Variants in TMPRSS15 observed in about 807,000 individuals in gnomAD.
TMPRSS15 encodes transmembrane serine protease 15.
Under a neutral mutation model 125.3 loss-of-function variants are expected in TMPRSS15, and 128 were observed. The observed-to-expected ratio is 1.02, with a 90% confidence interval of 0.89 to 1.18. TMPRSS15 has a LOEUF of 1.18. Among genes scored for constraint, TMPRSS15 ranks in the 50% most tolerant of loss-of-function variants. The pLI is 0.00. For synonymous variants in TMPRSS15, 446 were observed against 423.2 expected (o/e 1.05, Z -0.66); for missense variants, 1,283 against 1,212.7 (o/e 1.06, Z -0.86).
intron 7 of TMPRSS15, among the ~76,000 whole-genome samples, chr21:18,363,824 C>T (rs573659047): frequency 2.0e-5 from 3 of 152,136 alleles, no homozygotes; most frequent in African/African-American, 7.2e-5. Flanking sequence ...TTTCAATTGG[C>T]AAGAATTACT....
chr21:18,391,758 T>C (rs142694707), intron 3 of TMPRSS15, among the ~76,000 whole-genome samples: 32 of 152,358 alleles, frequency 2.1e-4, no homozygotes, highest in Admixed American at 6.5e-4. Context: ...ATTTTCCTTC[T>C]GCACTGCTCT....
chr21:18,320,338 T>G (rs1239685187), intron 16 of TMPRSS15, among the ~76,000 whole-genome samples: 4 of 152,136 alleles, frequency 2.6e-5, no homozygotes, highest in Non-Finnish European at 4.4e-5. Context: ...GTCACCACCC[T>G]TTATTTTTAA....
intron 1 of TMPRSS15, among the ~76,000 whole-genome samples, chr21:18,435,916 C>T (rs565804439): frequency 2.6e-5 from 4 of 151,678 alleles, no homozygotes; most frequent in Non-Finnish European, 4.4e-5. Flanking sequence ...AGTTTATTTG[C>T]GTAGAGGTGT....
At chr21:18,280,184 A>G (rs576543152) in intron 22 of TMPRSS15, among the ~76,000 whole-genome samples, 40 of 152,202 alleles carry the variant, frequency 2.6e-4, no homozygotes, top group Non-Finnish European at 4.4e-4. Context: ...TCATGATAAA[A>G]TTCACTTTAT....
At chr21:18,335,758 G>C (rs928712814) in intron 13 of TMPRSS15, among the ~76,000 whole-genome samples, 1 of 152,106 alleles carries the variant, frequency 6.6e-6, no homozygotes, top group Non-Finnish European at 1.5e-5. Flanking sequence ...TATTTTAATG[G>C]TGATGTTGTT....
chr21:18,406,826 T>C (rs913808990), upstream of TMPRSS15, among the ~76,000 whole-genome samples: 2 of 152,110 alleles, frequency 1.3e-5, no homozygotes, highest in Non-Finnish European at 2.9e-5. Flanking sequence ...GAGATAACAT[T>C]CATTATAATA....
intron 1 of TMPRSS15, among the ~76,000 whole-genome samples, chr21:18,445,163 TAC>T (rs2076252357): frequency 6.6e-6 from 1 of 151,734 alleles, no homozygotes; most frequent in Admixed American, 6.6e-5. Flanking sequence ...TATATATATA[TAC>T]CCCATTTAAA....
At position 18,410,316 on chromosome 21, in the gene TMPRSS15, T is replaced by C. The variant is rs560251599; in HGVS notation, c.11-11987A>G. Reference sequence around the variant, plus strand: ...TCTGTGAATGTGTGTGGGATGCCACTGGGATGCCACTGTGCTACATACTAT... The same window carrying C: ...TCTGTGAATGTGTGTGGGATGCCACCGGGATGCCACTGTGCTACATACTAT... On this transcript the variant is annotated intron_variant, in intron 1 of 7. Coordinates refer to the TMPRSS15 transcript ENST00000422787. 8.4e-5 allele frequency among the ~76,000 whole-genome samples: 10 copies of C among 119,458 alleles called. No individual in the cohort carries two copies. In the East Asian group the frequency reaches 3.9e-3, roughly 47 times the overall value. 78.4% of individuals were successfully genotyped at this position (119,458 alleles called of 152,430 possible). A position where few individuals can be genotyped will look rare whatever the true frequency, so the allele number is the denominator to read the frequency against.
At chr21:18,304,219 T>C (rs2075005456) in intron 18 of TMPRSS15, among the ~76,000 whole-genome samples, 1 of 152,190 alleles carries the variant, frequency 6.6e-6, no homozygotes, top group Non-Finnish European at 1.5e-5. Context: ...TGATTCTCAA[T>C]AGGGTGTTTA....
intron 1 of TMPRSS15, chr21:18,477,747 G>A (rs1344653977): frequency 2.0e-5 from 3 of 152,058 alleles, no homozygotes; most frequent in South Asian, 2.1e-4. Context: ...ACTTACTGAA[G>A]AGTCTGATTG....
At chr21:18,289,089 A>C (rs973640654) in intron 21 of TMPRSS15, among the ~76,000 whole-genome samples, 2 of 152,228 alleles carry the variant, frequency 1.3e-5, no homozygotes, top group African/African-American at 4.8e-5. Context: ...CATTCAAAAA[A>C]ATCCAAATTT....
intron 23 of TMPRSS15, among the ~76,000 whole-genome samples, chr21:18,277,814 T>C (rs918717611): frequency 1.3e-5 from 2 of 152,236 alleles, no homozygotes; most frequent in Non-Finnish European, 2.9e-5. Flanking sequence ...GGTTCTCTTA[T>C]CAGACTACAG....
intron 19 of TMPRSS15, 102 bp downstream of exon 19, chr21:18,297,632 A>G: frequency 1.3e-6 from 1 of 798,838 alleles, no homozygotes; most frequent in South Asian, 1.5e-5. Context: ...TTTCAAGATT[A>G]TATGACCAGT....
chr21:18,452,602 T>C (rs1978358336), intron 1 of TMPRSS15, among the ~76,000 whole-genome samples: 1 of 152,160 alleles, frequency 6.6e-6, no homozygotes, highest in Non-Finnish European at 1.5e-5. Context: ...GGATGGGATG[T>C]TGAGGCTGAA....
intron 18 of TMPRSS15, among the ~76,000 whole-genome samples, chr21:18,306,684 T>G (rs2075042872): frequency 6.6e-6 from 1 of 152,154 alleles, no homozygotes; most frequent in South Asian, 2.1e-4. Context: ...TTCTAGATTT[T>G]AATGATTTAG....
chr21:18,476,677 C>T (rs1166985805), intron 1 of TMPRSS15, among the ~76,000 whole-genome samples: 4 of 152,184 alleles, frequency 2.6e-5, no homozygotes, highest in Non-Finnish European at 5.9e-5. Context: ...ATCACAGCCC[C>T]GTGCTGTGGG....
rs545281862 is a variant in TMPRSS15, at chr21:18,484,791, C to G, written c.10+1008G>C. Among the ~76,000 whole-genome samples the G allele has an allele frequency of 6.6e-5, 10 of 151,778 alleles. 1 individual carries two copies. Among genetic ancestry groups the G allele is most frequent in the Admixed American group, 2.6e-4 (4 of 15,188 alleles). On this transcript the variant is annotated intron_variant, in intron 1 of 7. Coordinates refer to the TMPRSS15 transcript ENST00000422787. ...ACTCTCTATTTTCTTCCATAATTAC[C>G]TAGCATCATTGGTAAATTGTCTTAA...
intron 1 of TMPRSS15, among the ~76,000 whole-genome samples, chr21:18,461,714 C>T (rs1289365760): frequency 1.3e-5 from 2 of 152,182 alleles, no homozygotes; most frequent in African/African-American, 2.4e-5. Flanking sequence ...CCTTTAGACA[C>T]TTCCCCATCC....
intron 8 of TMPRSS15, among the ~76,000 whole-genome samples, chr21:18,355,657 T>C (rs2075618029): frequency 6.6e-6 from 1 of 151,858 alleles, no homozygotes; most frequent in Non-Finnish European, 1.5e-5. Flanking sequence ...ACTAGACTAC[T>C]CTGTGCCTTT....
Sources: gnomAD v4.1 joint callset for allele counts (sites outside exome capture counted in the v4.1 genomes callset) on GRCh38, gnomAD v4.1.1 for gene constraint, MANE v1.5 for transcripts, NCBI Gene and HGNC (gene_info 2026-07-23, HGNC 2026-07-21) for gene names.